ADGRG2: variants seen among roughly 807,000 people sequenced by gnomAD.
ADGRG2 encodes the protein adhesion G protein-coupled receptor G2.
ADGRG2 carries 26 observed loss-of-function variants against 74.1 expected under a neutral mutation model. The ratio of observed to expected loss-of-function variants is 0.35; its 90% CI spans 0.26 to 0.49. The LOEUF (loss-of-function observed/expected upper bound fraction) is 0.49. Among genes scored for constraint, ADGRG2 ranks in the 20% least tolerant of loss-of-function variants. The probability of loss-of-function intolerance (pLI) is 0.99; values close to 1 mark genes in which losing one functional copy is unlikely to be tolerated. For missense variants in ADGRG2, 619 were observed against 763.1 expected (o/e 0.81, Z 2.22); for synonymous variants, 296 against 295.2 (o/e 1.00, Z -0.03).
In ADGRG2 at chrX:18,990,148, G is replaced by A. The variant is rs1441164395; in HGVS notation, c.*716C>T. 2.7e-5 allele frequency: 3 copies of A among 112,885 alleles called. No individual in the cohort carries two copies. Among genetic ancestry groups the A allele is most frequent in the Non-Finnish European group, 5.6e-5 (3 of 53,357 alleles). 9.3% of individuals were successfully genotyped at this position (112,885 alleles called of 1,213,427 possible). On this transcript the variant is annotated 3_prime_UTR_variant, in exon 29 of 29. Transcript: ENST00000379869. ...TGTCAAACCATGAGCCCATAGGGCT[G>A]TGTCTGCCCAGTGGGGGCATCTTTT...
chrX:19,088,120 T>G (rs1299539837), intron 1 of ADGRG2, among the ~76,000 whole-genome samples: 1 of 112,361 alleles, frequency 8.9e-6, no homozygotes, highest in East Asian at 2.8e-4. Context: ...TAACCTTCCT[T>G]AGACTATAAA....
chrX:19,025,322 T>C (rs1487118196), intron 11 of ADGRG2, among the ~76,000 whole-genome samples: 1 of 111,265 alleles, frequency 9.0e-6, no homozygotes, highest in Non-Finnish European at 1.9e-5. Flanking sequence ...TCTCAGCCCC[T>C]AAATACTGAT....
At chrX:19,098,468 G>A (rs901678525) in intron 1 of ADGRG2, among the ~76,000 whole-genome samples, 2 of 111,521 alleles carry the variant, frequency 1.8e-5, no homozygotes, top group African/African-American at 6.5e-5. Context: ...GGGTTTTTCT[G>A]TAATTTCTGA....
intron 8 of ADGRG2, chrX:19,031,247 A>G: frequency 4.9e-6 from 2 of 409,375 alleles, no homozygotes; most frequent in Non-Finnish European, 4.3e-6. Flanking sequence ...ATTCTTTACT[A>G]ATCTTTAGTA....
chrX:19,096,206 T>A (rs1459628866), intron 1 of ADGRG2, among the ~76,000 whole-genome samples: 5 of 108,670 alleles, frequency 4.6e-5, no homozygotes, highest in Non-Finnish European at 9.5e-5. Context: ...AGGTCAGGAG[T>A]TTGAGACCAG....
chrX:19,053,513 G>A (rs2061360053), intron 3 of ADGRG2, among the ~76,000 whole-genome samples: 1 of 111,633 alleles, frequency 9.0e-6, no homozygotes, highest in Non-Finnish European at 1.9e-5. Context: ...CAAAGACCAG[G>A]ACGGCCTAGG....
intron 3 of ADGRG2, among the ~76,000 whole-genome samples, chrX:19,049,994 A>T (rs894081494): frequency 4.9e-4 from 55 of 111,250 alleles, no homozygotes; most frequent in African/African-American, 1.7e-3. Flanking sequence ...AATTTCCCTT[A>T]GTTCACACCA....
intron 3 of ADGRG2, among the ~76,000 whole-genome samples, chrX:19,046,348 T>C (rs2061189084): frequency 8.9e-6 from 1 of 112,504 alleles, no homozygotes; most frequent in Non-Finnish European, 1.9e-5. Flanking sequence ...CTCTCTCCTC[T>C]TTATATCTTC....
intron 1 of ADGRG2, among the ~76,000 whole-genome samples, chrX:19,103,218 C>T (rs955037227): frequency 2.7e-5 from 3 of 111,521 alleles, no homozygotes; most frequent in South Asian, 3.8e-4. Flanking sequence ...GCTCATTATA[C>T]GCTAATTATA....
chrX:19,045,785 A>G (rs1016066406), intron 3 of ADGRG2, among the ~76,000 whole-genome samples: 5 of 111,565 alleles, frequency 4.5e-5, no homozygotes, highest in African/African-American at 1.6e-4. Flanking sequence ...TTCTTCCCCC[A>G]TACAGTAATC....
intron 1 of ADGRG2, among the ~76,000 whole-genome samples, chrX:19,120,687 A>G (rs937266203): frequency 2.6e-4 from 29 of 112,044 alleles, no homozygotes; most frequent in African/African-American, 9.4e-4. Flanking sequence ...CCAGTGCAAA[A>G]TGAAAAGGAG....
chrX:18,997,430 T>G (rs1314073358), intron 26 of ADGRG2, among the ~76,000 whole-genome samples: 6 of 112,233 alleles, frequency 5.3e-5, no homozygotes, highest in Non-Finnish European at 1.1e-4. Context: ...GTGGGTACCT[T>G]GCTTTCATGT....
chrX:19,079,908 G>T (rs1242335835), intron 2 of ADGRG2, among the ~76,000 whole-genome samples: 2 of 104,777 alleles, frequency 1.9e-5, no homozygotes, highest in Non-Finnish European at 3.9e-5. Context: ...GTCTGGTTTG[G>T]TTTTTGTTTT....
intron 2 of ADGRG2, among the ~76,000 whole-genome samples, chrX:19,070,116 C>T (rs931674417): frequency 1.8e-5 from 2 of 112,216 alleles, no homozygotes; most frequent in African/African-American, 3.2e-5. Context: ...CCCCCTCCCA[C>T]GAGGGGTTGA....
chrX:19,007,283 G>A lies in ADGRG2; in HGVS notation c.1641C>T (p.Asn547=). 3.3e-6 allele frequency: 4 copies of A among 1,208,834 alleles called. No homozygotes were observed. Among genetic ancestry groups the A allele is most frequent in the Non-Finnish European group, 4.5e-6 (4 of 892,900 alleles). The change falls in exon 20 of 29, where the codon AAC becomes AAT. Residue 547 remains asparagine (N), a synonymous_variant. Transcript: ENST00000379869. ...ATGTGACTGTCACGTTTCTTGTCAA[G>A]TTCCTGACGGTCAGGTTTGCAACAC... ...SSSVANLTVR[N]LTRNVTVTLK...
At chrX:19,014,984 CTG>C (rs2060438973) in intron 15 of ADGRG2, among the ~76,000 whole-genome samples, 1 of 111,668 alleles carries the variant, frequency 9.0e-6, no homozygotes, top group Admixed American at 9.6e-5. Context: ...GCCCACTCCT[CTG>C]TGTTTGATTC....
At chrX:19,024,076 TAGAG>T (rs1465802503) in intron 11 of ADGRG2, 128 bp from the exon 12 acceptor site, 2 of 490,669 alleles carry the variant, frequency 4.1e-6, no homozygotes, top group Non-Finnish European at 7.2e-6. Flanking sequence ...TTTGAAGAAA[TAGAG>T]AGTATAATAA....
At chrX:19,096,270 G>A (rs144474165) in intron 1 of ADGRG2, among the ~76,000 whole-genome samples, 2,458 of 109,022 alleles carry the variant, frequency 0.023, 90 homozygotes, top group African/African-American at 0.078. Context: ...AATTAGCCAG[G>A]CATGGTAGCA....
intron 16 of ADGRG2, among the ~76,000 whole-genome samples, chrX:19,012,630 C>CA (rs71924946): frequency 0.029 from 967 of 32,917 alleles, 12 homozygotes; most frequent in African/African-American, 0.057. Context: ...CCAAAGCTAC[C>CA]AAAAAAAAAA....
Sources: allele counts gnomAD v4.1 joint callset (sites outside exome capture counted in the v4.1 genomes callset), GRCh38; gene constraint gnomAD v4.1.1; transcripts MANE v1.5; gene names NCBI Gene and HGNC (gene_info 2026-07-23, HGNC 2026-07-21).